MORC1: variants seen among roughly 807,000 people sequenced by gnomAD.
The protein encoded by MORC1 is MORC family CW-type zinc finger protein 1.
MORC1 carries 59 observed loss-of-function variants against 134.9 expected under a neutral mutation model. The observed-to-expected ratio is 0.44, with a 90% CI of 0.35 to 0.54. The LOEUF (loss-of-function observed/expected upper bound fraction) is 0.54, where lower values mean the gene tolerates loss of function less well. MORC1 is among the 20% of genes least tolerant of loss of function. MORC1 has a pLI of 0.00. For missense variants in MORC1, 947 were observed against 1,134.5 expected (o/e 0.83, Z 2.37); for synonymous variants, 395 against 391.7 (o/e 1.01, Z -0.10).
At chr3:108,964,279 A>G (rs1203263486) in intron 26 of MORC1, among the ~76,000 whole-genome samples, 1 of 152,256 alleles carries the variant, frequency 6.6e-6, no homozygotes, top group Non-Finnish European at 1.5e-5. Context: ...CTTCAGTTTC[A>G]GAATGACATT....
Position 109,084,860 on chromosome 3 carries a change from C to T in MORC1, c.689+8576G>A, listed in dbSNP as rs560006751. Reference sequence around the variant, plus strand: ...TAAATCCACACATTTATAGCCAACTCATTTTTGACAAAGCCATCAAAAATG... The same window carrying T: ...TAAATCCACACATTTATAGCCAACTTATTTTTGACAAAGCCATCAAAAATG... On this transcript the variant is annotated intron_variant, in intron 8 of 27. Transcript: ENST00000232603. Among the ~76,000 whole-genome samples, 19 of 152,184 alleles carry T rather than the reference C, an allele frequency of 1.2e-4. 1 individual carries two copies. Among genetic ancestry groups the T allele is most frequent in the Middle Eastern group, 6.8e-3 (2 of 294 alleles).
At chr3:108,996,286 G>GCGCGCGCGCGCGCACACACACACACA in intron 21 of MORC1, among the ~76,000 whole-genome samples, 4 of 146,470 alleles carry the variant, frequency 2.7e-5, no homozygotes, top group South Asian at 2.2e-4. Context: ...GCGCGCGCGC[G>GCGCGCGCGCGCGCACACACACACACA]CACACACACA....
chr3:109,017,024 TA>T (rs1325577662), intron 17 of MORC1, among the ~76,000 whole-genome samples: 2 of 152,250 alleles, frequency 1.3e-5, no homozygotes, highest in African/African-American at 4.8e-5. Flanking sequence ...GCTCTAGCTG[TA>T]ACCCCATGTT....
chr3:109,063,254 TAATC>T (rs778248873), intron 9 of MORC1, 23 bp from the exon 10 acceptor site: 145 of 1,445,954 alleles, frequency 1.0e-4, no homozygotes, highest in Non-Finnish European at 1.3e-4. Context: ...AAAAAGAACA[TAATC>T]AAGTCAGATT....
At chr3:109,032,673 T>C in intron 16 of MORC1, 47 bp downstream of exon 16, 2 of 1,328,896 alleles carry the variant, frequency 1.5e-6, no homozygotes, top group Non-Finnish European at 2.1e-6. Context: ...ATATGAACTT[T>C]AGAAATTAAA....
At chr3:109,037,222 T>C (rs981376907) in intron 14 of MORC1, among the ~76,000 whole-genome samples, 7 of 152,194 alleles carry the variant, frequency 4.6e-5, no homozygotes, top group African/African-American at 1.7e-4. Flanking sequence ...CCTAAGACCC[T>C]ATTAAATGTT....
At chr3:108,980,811 G>A (rs1947696477) in intron 23 of MORC1, among the ~76,000 whole-genome samples, 1 of 152,196 alleles carries the variant, frequency 6.6e-6, no homozygotes, top group Non-Finnish European at 1.5e-5. Flanking sequence ...GTCATGATCT[G>A]GAAGAGGAAG....
intron 4 of MORC1, among the ~76,000 whole-genome samples, chr3:109,103,566 C>A (rs1950968880): frequency 6.6e-6 from 1 of 152,178 alleles, no homozygotes; most frequent in African/African-American, 2.4e-5. Context: ...ATTTGTTTTC[C>A]ATTCATTCCC....
chr3:109,013,637 C>A (rs894442901), intron 17 of MORC1, among the ~76,000 whole-genome samples: 1 of 152,128 alleles, frequency 6.6e-6, no homozygotes, highest in South Asian at 2.1e-4. Context: ...CCTTAGATTT[C>A]TCTTCTATTC....
intron 24 of MORC1, among the ~76,000 whole-genome samples, chr3:108,977,198 C>T (rs1419592230): frequency 1.3e-5 from 2 of 152,068 alleles, no homozygotes; most frequent in Admixed American, 1.3e-4. Context: ...GTGTAATTGT[C>T]CATGAGACTT....
chr3:109,052,560 C>G (rs1949853608), intron 14 of MORC1, among the ~76,000 whole-genome samples: 1 of 152,130 alleles, frequency 6.6e-6, no homozygotes, highest in East Asian at 1.9e-4. Flanking sequence ...AACCTCATTT[C>G]CCCTTTCATA....
intron 16 of MORC1, among the ~76,000 whole-genome samples, chr3:109,032,358 A>G (rs1949260008): frequency 6.6e-6 from 1 of 152,192 alleles, no homozygotes; most frequent in African/African-American, 2.4e-5. Flanking sequence ...ATACGGTCTA[A>G]CAGTTTAATG....
At chr3:109,062,948 T>A (rs1449660766) in intron 10 of MORC1, among the ~76,000 whole-genome samples, 1 of 152,134 alleles carries the variant, frequency 6.6e-6, no homozygotes, top group Admixed American at 6.5e-5. Flanking sequence ...AGGATCATAC[T>A]TATAATAATA....
rs190550648 is a variant in MORC1 at position 109,105,329 on chromosome 3, C to T, written c.155-1412G>A. Among the ~76,000 whole-genome samples the T allele has an allele frequency of 4.4e-3, 673 of 152,310 alleles. 3 individuals carry two copies. The highest frequency in any genetic ancestry group is 0.015 in the African/African-American group (620 of 41,572). On this transcript the variant is annotated intron_variant, in intron 3 of 27. Coordinates refer to ENST00000232603, the MANE Select transcript of MORC1 (RefSeq NM_014429.4). ...CACGAGGTCGAGAGATTGAGACCATCCTGGCCAACATGGTGAAACCCTGTC... is the reference window on the plus strand; with the variant it reads ...CACGAGGTCGAGAGATTGAGACCATTCTGGCCAACATGGTGAAACCCTGTC...
intron 3 of MORC1, 143 bp from the exon 4 acceptor site, chr3:109,104,060 G>A (rs1950977845): frequency 1.4e-6 from 1 of 707,838 alleles, no homozygotes; most frequent in Non-Finnish European, 2.4e-6. Flanking sequence ...GCCTAGAGTG[G>A]AGTCTTGGCT....
intron 20 of MORC1, among the ~76,000 whole-genome samples, chr3:109,001,685 A>G (rs145126884): frequency 1.3e-3 from 200 of 152,328 alleles, no homozygotes; most frequent in African/African-American, 4.7e-3. Context: ...TCTCGTAGCT[A>G]GCCACAAAAT....
chr3:109,067,922 A>G lies in MORC1; in HGVS notation c.815+1710T>C, dbSNP rs1156797440. On this transcript the variant is annotated intron_variant, in intron 9 of 27. Transcript: ENST00000232603. ...GGACAGTAACTGCAGTTTCATGAAA[A>G]TAAGACAAGATGACAAATGCAGACA... 2.0e-5 allele frequency among the ~76,000 whole-genome samples: 3 copies of G among 152,328 alleles called. No individual in the cohort carries two copies. In the East Asian group the frequency reaches 5.8e-4, roughly 29 times the overall value.
chr3:108,995,011 T>C (rs1348520726), intron 21 of MORC1, among the ~76,000 whole-genome samples: 1 of 152,228 alleles, frequency 6.6e-6, no homozygotes, highest in Admixed American at 6.5e-5. Flanking sequence ...TGTACTTTTA[T>C]CGTTTTTATG....
intron 25 of MORC1, 77 bp downstream of exon 25, chr3:108,971,253 A>G (rs1010049045): frequency 2.2e-6 from 3 of 1,345,632 alleles, no homozygotes; most frequent in Non-Finnish European, 3.2e-6. Context: ...CTCTTATTGG[A>G]AACACTTTAC....
Sources: allele counts gnomAD v4.1 joint callset (sites outside exome capture counted in the v4.1 genomes callset), GRCh38; gene constraint gnomAD v4.1.1; transcripts MANE v1.5; gene names NCBI Gene and HGNC (gene_info 2026-07-23, HGNC 2026-07-21).